AHCYL2: variants seen among roughly 807,000 people sequenced by gnomAD.
AHCYL2 encodes S-adenosylhomocysteine hydrolase-like protein 2.
In AHCYL2, 28 loss-of-function variants were observed where a neutral mutation model predicts 81.4. That is an observed-to-expected ratio of 0.34 (90% CI 0.25 to 0.47). The LOEUF (loss-of-function observed/expected upper bound fraction) is 0.47. Among genes scored for constraint, AHCYL2 ranks in the 20% least tolerant of loss-of-function variants. The pLI, the probability that AHCYL2 is intolerant of heterozygous loss-of-function variation, is 1.00. For synonymous variants in AHCYL2, 272 were observed against 290.2 expected, an observed-to-expected ratio of 0.94 and a Z score of 0.64; for missense variants, 551 against 785.1, an observed-to-expected ratio of 0.70 and a Z score of 3.56.
At chr7:129,280,337 T>A (rs1328716661) in intron 1 of AHCYL2, among the ~76,000 whole-genome samples, 1 of 151,982 alleles carries the variant, frequency 6.6e-6, no homozygotes, top group African/African-American at 2.4e-5. Flanking sequence ...GTCCAGCTGA[T>A]TTTTGTATTT....
intron 1 of AHCYL2, among the ~76,000 whole-genome samples, chr7:129,335,614 A>ATC (rs1482728189): frequency 1.3e-5 from 2 of 152,176 alleles, no homozygotes; most frequent in Non-Finnish European, 2.9e-5. Flanking sequence ...GGCTACAGTC[A>ATC]TCTGAAAGCT....
At chr7:129,424,021 G>T (rs562469578) in intron 13 of AHCYL2, among the ~76,000 whole-genome samples, 1 of 152,188 alleles carries the variant, frequency 6.6e-6, no homozygotes, top group Non-Finnish European at 1.5e-5. Flanking sequence ...GGGTGTTTTT[G>T]GCTAGATGGT....
At position 129,329,785 on chromosome 7, in the gene AHCYL2, C is replaced by A. The variant is rs562273746; in HGVS notation, c.364-49853C>A. The stretch of plus-strand genomic sequence containing the variant: ...GATAAGACGTATAAGGTATAAATTT[C>A]TTTATCCACTTTTATTGTTGTTCTG... On this transcript the variant is annotated intron_variant, in intron 1 of 16. Transcript: ENST00000325006. Among the ~76,000 whole-genome samples, 3 of 152,248 alleles carry A rather than the reference C, an allele frequency of 2.0e-5. No individual in the cohort carries two copies. In the East Asian group the frequency reaches 5.8e-4, roughly 29 times the overall value.
At chr7:129,335,768 C>T (rs1798579272) in intron 1 of AHCYL2, among the ~76,000 whole-genome samples, 1 of 152,152 alleles carries the variant, frequency 6.6e-6, no homozygotes, top group Non-Finnish European at 1.5e-5. Context: ...CTTCTACCAG[C>T]GTGTCCCAAA....
chr7:129,258,409 A>G (rs1188442323), intron 1 of AHCYL2, among the ~76,000 whole-genome samples: 2 of 152,146 alleles, frequency 1.3e-5, no homozygotes, highest in Admixed American at 1.3e-4. Context: ...GATAATACTT[A>G]GTGACATTAA....
chr7:129,364,666 C>T (rs760134749), intron 1 of AHCYL2, among the ~76,000 whole-genome samples: 5 of 152,134 alleles, frequency 3.3e-5, no homozygotes, highest in Non-Finnish European at 7.4e-5. Flanking sequence ...TAGTAATTTT[C>T]TTATCACTGA....
chr7:129,231,392 G>A (rs1162368014), intron 1 of AHCYL2, among the ~76,000 whole-genome samples: 1 of 152,196 alleles, frequency 6.6e-6, no homozygotes, highest in Non-Finnish European at 1.5e-5. Context: ...ATTAAAAAGG[G>A]AGAGTGAGTT....
intron 1 of AHCYL2, among the ~76,000 whole-genome samples, chr7:129,322,228 C>T (rs1798063356): frequency 6.6e-6 from 1 of 152,150 alleles, no homozygotes; most frequent in Non-Finnish European, 1.5e-5. Context: ...CAACCTCTTC[C>T]TCCTGGGTTC....
chr7:129,333,140 T>C (rs1373665814), intron 1 of AHCYL2, among the ~76,000 whole-genome samples: 2 of 151,978 alleles, frequency 1.3e-5, no homozygotes, highest in African/African-American at 2.4e-5. Context: ...TGATTTTTTG[T>C]TTCAAAGAGT....
intron 1 of AHCYL2, among the ~76,000 whole-genome samples, chr7:129,327,040 G>A (rs186656451): frequency 1.3e-5 from 2 of 152,240 alleles, no homozygotes; most frequent in African/African-American, 2.4e-5. Context: ...ACTATTTCTC[G>A]ATCACTTTAT....
intron 1 of AHCYL2, among the ~76,000 whole-genome samples, chr7:129,356,849 C>T (rs1258898491): frequency 6.6e-6 from 1 of 152,118 alleles, no homozygotes. Flanking sequence ...CACATAAAAT[C>T]CATGGGGAAA....
chr7:129,374,997 C>A (rs941077975), intron 1 of AHCYL2, among the ~76,000 whole-genome samples: 4 of 151,830 alleles, frequency 2.6e-5, no homozygotes, highest in Non-Finnish European at 4.4e-5. Flanking sequence ...TGATTCTTTG[C>A]CCTTTTGCTT....
intron 1 of AHCYL2, among the ~76,000 whole-genome samples, chr7:129,348,210 G>T (rs1215834284): frequency 6.6e-6 from 1 of 152,124 alleles, no homozygotes; most frequent in Non-Finnish European, 1.5e-5. Context: ...AATGTCCGTT[G>T]GCAGGGAACT....
intron 1 of AHCYL2, among the ~76,000 whole-genome samples, chr7:129,299,370 T>G (rs1212898749): frequency 2.4e-3 from 13 of 5,354 alleles, no homozygotes; most frequent in Admixed American, 0.012. Flanking sequence ...GTCCAACTTG[T>G]TTTTTTTTTT....
chr7:129,303,245 C>T (rs1339827557), intron 1 of AHCYL2, among the ~76,000 whole-genome samples: 9 of 152,146 alleles, frequency 5.9e-5, no homozygotes, highest in East Asian at 1.9e-4. Context: ...GTGATCTGCC[C>T]GCCTTGGCCT....
chr7:129,312,071 C>G (rs1490159167), intron 1 of AHCYL2, among the ~76,000 whole-genome samples: 1 of 152,132 alleles, frequency 6.6e-6, no homozygotes, highest in African/African-American at 2.4e-5. Context: ...TCACTGTAGC[C>G]TCGACCTCTT....
chr7:129,427,973 G>GGAA lies in AHCYL2; in HGVS notation c.*929_*930insAAG. 6.6e-6 allele frequency: 1 copy of GGAA among 152,542 alleles called. No individual in the cohort carries two copies. 9.4% of individuals were successfully genotyped at this position (152,542 alleles called of 1,614,324 possible). Reference sequence around the variant, plus strand: ...CTAAAGCTACGTCTGAAACTGAGTAGGGAAAGGCATACTTTTCCAGGGACT... The same window carrying GGAA: ...CTAAAGCTACGTCTGAAACTGAGTAGGAAGGAAAGGCATACTTTTCCAGGGACT... On this transcript the variant is annotated 3_prime_UTR_variant, in exon 17 of 17. Transcript: ENST00000325006. The surrounding 1 kb of genome is among the most constrained non-coding windows in gnomAD (Gnocchi z 5.5).
chr7:129,423,001 C>T, intron 13 of AHCYL2, 63 bp downstream of exon 13: 4 of 1,391,782 alleles, frequency 2.9e-6, no homozygotes, highest in Middle Eastern at 1.8e-4. Context: ...CCCAGGTCCC[C>T]TCCTCCTCAT....
intron 1 of AHCYL2, among the ~76,000 whole-genome samples, chr7:129,336,541 A>C (rs1304284907): frequency 6.6e-6 from 1 of 152,086 alleles, no homozygotes; most frequent in African/African-American, 2.4e-5. Flanking sequence ...TATGCACAGG[A>C]GTTTGGACCT....
Sources: allele counts gnomAD v4.1 joint callset (sites outside exome capture counted in the v4.1 genomes callset), GRCh38; gene constraint gnomAD v4.1.1; non-coding constraint Gnocchi (gnomAD v3.1); transcripts MANE v1.5; gene names NCBI Gene and HGNC (gene_info 2026-07-23, HGNC 2026-07-21).